Variants in AP3B1 observed in about 807,000 individuals in gnomAD.
AP3B1 encodes AP-3 complex subunit beta-1.
AP3B1 carries 61 observed loss-of-function variants against 132.5 expected under a neutral mutation model. That is an observed-to-expected ratio of 0.46 (90% CI 0.37 to 0.57). The LOEUF is 0.57. Ranked by LOEUF, AP3B1 falls within the 20% of genes least tolerant of loss-of-function variation. AP3B1 has a pLI of 0.00. For missense variants in AP3B1, 1,120 were observed against 1,289.4 expected (o/e 0.87, Z 2.01); for synonymous variants, 388 against 438.3 (o/e 0.89, Z 1.43).
chr5:78,038,953 T>C, intron 23 of AP3B1, 90 bp downstream of exon 23: 1 of 801,528 alleles, frequency 1.2e-6, no homozygotes, highest in Non-Finnish European at 2.0e-6. Flanking sequence ...TACTTTACTA[T>C]TTTACTAAAA....
intron 21 of AP3B1, among the ~76,000 whole-genome samples, chr5:78,096,660 G>GC (rs1750805464): frequency 6.6e-6 from 1 of 151,002 alleles, no homozygotes. Context: ...CTGCCCGGCC[G>GC]CGACTCCGTC....
At chr5:78,238,586 T>C (rs1354773279) in intron 3 of AP3B1, among the ~76,000 whole-genome samples, 1 of 151,990 alleles carries the variant, frequency 6.6e-6, no homozygotes, top group Non-Finnish European at 1.5e-5. Flanking sequence ...TAGATAACTA[T>C]CACACAATGG....
chr5:78,000,780 A>T (rs1746183818), downstream of AP3B1: 2 of 152,338 alleles, frequency 1.3e-5, no homozygotes, highest in Non-Finnish European at 1.5e-5. Flanking sequence ...GGAACAATTT[A>T]AAGATAATCA....
chr5:78,255,685 T>C (rs1747818646), intron 2 of AP3B1, among the ~76,000 whole-genome samples: 1 of 152,076 alleles, frequency 6.6e-6, no homozygotes, highest in Non-Finnish European at 1.5e-5. Flanking sequence ...ATCAGACAGA[T>C]CTTCCAACAG....
chr5:78,212,938 T>C (rs897910899), intron 7 of AP3B1, among the ~76,000 whole-genome samples: 6 of 152,094 alleles, frequency 3.9e-5, no homozygotes, highest in East Asian at 1.9e-4. Flanking sequence ...AGTGCAGTGG[T>C]GCGATCTCGG....
At chr5:78,048,339 A>G (rs750762328) in intron 22 of AP3B1, among the ~76,000 whole-genome samples, 19 of 152,152 alleles carry the variant, frequency 1.2e-4, no homozygotes, top group East Asian at 5.8e-4. Context: ...TTTGCCCCCA[A>G]TGCTTCTTTA....
chr5:78,131,458 T>C lies in AP3B1; in HGVS notation c.1651-2151A>G, dbSNP rs544173892. ...AATGAAGAATAGTACCAATCCTTGC[T>C]TTTATGTTAAAAACTGTCAATATTT... On this transcript the variant is annotated intron_variant, in intron 15 of 26. Transcript: ENST00000255194. Among the ~76,000 whole-genome samples the C allele has an allele frequency of 3.3e-5, 5 of 152,206 alleles. No homozygotes were observed. In the South Asian group the frequency reaches 1.0e-3, roughly 31 times the overall value.
At chr5:78,134,804 A>G (rs1752841951) in intron 15 of AP3B1, among the ~76,000 whole-genome samples, 1 of 152,132 alleles carries the variant, frequency 6.6e-6, no homozygotes, top group East Asian at 1.9e-4. Flanking sequence ...CGGCCTCCCA[A>G]AGTGCTGGGA....
At position 78,227,587 on chromosome 5, in the gene AP3B1, A is replaced by G. The variant is rs574988886; in HGVS notation, c.376-55T>C. The stretch of plus-strand genomic sequence containing the variant: ...ATTTCAACTTTACAATATTTTAAAC[A>G]TATCTTTCAGACACAGTTAATAGGT... On this transcript the variant is annotated intron_variant, in intron 4 of 26. Coordinates refer to ENST00000255194, the MANE Select transcript of AP3B1 (RefSeq NM_003664.5). 122 of 1,570,992 alleles carry G rather than the reference A, an allele frequency of 7.8e-5. No homozygotes were observed. The South Asian group carries it at 1.2e-3, about 16-fold the overall frequency.
chr5:78,003,960 G>A (rs1420504427), intron 26 of AP3B1, among the ~76,000 whole-genome samples: 1 of 152,188 alleles, frequency 6.6e-6, no homozygotes, highest in African/African-American at 2.4e-5. Context: ...TTTTCCACAT[G>A]AAGCATGTTC....
chr5:78,164,835 A>G (rs1718474413), intron 12 of AP3B1, among the ~76,000 whole-genome samples: 1 of 152,148 alleles, frequency 6.6e-6, no homozygotes, highest in African/African-American at 2.4e-5. Context: ...GAAATTTAAT[A>G]TTGGCATATA....
intron 22 of AP3B1, among the ~76,000 whole-genome samples, chr5:78,053,317 T>A (rs1393893103): frequency 1.3e-5 from 2 of 152,170 alleles, no homozygotes; most frequent in Admixed American, 6.5e-5. Flanking sequence ...TACTTTTAAA[T>A]CTTTTTTTTC....
At chr5:78,045,648 TATTCCAGAA>T (rs1372369511) in intron 22 of AP3B1, among the ~76,000 whole-genome samples, 1 of 152,226 alleles carries the variant, frequency 6.6e-6, no homozygotes, top group Non-Finnish European at 1.5e-5. Flanking sequence ...CAGATACCTA[TATTCCAGAA>T]ATACATATGA....
chr5:78,067,916 G>A (rs2112156490), intron 22 of AP3B1, among the ~76,000 whole-genome samples: 1 of 150,542 alleles, frequency 6.6e-6, no homozygotes, highest in South Asian at 2.1e-4. Context: ...CAAGATCAGA[G>A]CAGAATTGAA....
In AP3B1 at chr5:78,266,305, G is replaced by C. The variant is rs758669273; in HGVS notation, c.204+1215C>G. Among the ~76,000 whole-genome samples the C allele has an allele frequency of 2.1e-4, 32 of 152,120 alleles. 1 individual carries two copies. The highest frequency in any genetic ancestry group is 7.4e-5 in the Non-Finnish European group (5 of 68,026). Reference sequence around the variant, plus strand: ...CTGCCCATAAATACTCCTATGTATAGAGCATAACATTAACAAATCAAAAAT... The same window carrying C: ...CTGCCCATAAATACTCCTATGTATACAGCATAACATTAACAAATCAAAAAT... On this transcript the variant is annotated intron_variant, in intron 2 of 26. Coordinates refer to ENST00000255194, the MANE Select transcript of AP3B1 (RefSeq NM_003664.5).
At chr5:78,020,119 ATTTTCT>A (rs2112064480) in intron 25 of AP3B1, among the ~76,000 whole-genome samples, 1 of 152,120 alleles carries the variant, frequency 6.6e-6, no homozygotes, top group East Asian at 1.9e-4. Flanking sequence ...TGCTGAAAAT[ATTTTCT>A]TTTTAAGTAC....
intron 24 of AP3B1, among the ~76,000 whole-genome samples, chr5:78,033,505 A>G (rs186249342): frequency 4.6e-5 from 7 of 152,186 alleles, no homozygotes; most frequent in Non-Finnish European, 1.0e-4. Flanking sequence ...TTATTTTAAA[A>G]TGTCTATTTC....
chr5:78,223,802 G>A lies in AP3B1; in HGVS notation c.603+1740C>T, dbSNP rs564462889. ...CATAAAGAATTGGTACATATACTATGTGGCAGACGCTCAGACATTAAGCCA... is the reference window on the plus strand; with the variant it reads ...CATAAAGAATTGGTACATATACTATATGGCAGACGCTCAGACATTAAGCCA... On this transcript the variant is annotated intron_variant, in intron 6 of 26. Coordinates refer to ENST00000255194, the MANE Select transcript of AP3B1 (RefSeq NM_003664.5). 1.1e-4 allele frequency among the ~76,000 whole-genome samples: 16 copies of A among 152,264 alleles called. No individual in the cohort carries two copies. In the South Asian group the frequency reaches 1.7e-3, roughly 16 times the overall value.
At chr5:78,284,223 G>C (rs1317802072) in intron 1 of AP3B1, among the ~76,000 whole-genome samples, 1 of 152,180 alleles carries the variant, frequency 6.6e-6, no homozygotes, top group Non-Finnish European at 1.5e-5. Context: ...CATTTGGCTA[G>C]TTGCTACTAT....
Sources: gnomAD v4.1 joint callset for allele counts (sites outside exome capture counted in the v4.1 genomes callset) on GRCh38, gnomAD v4.1.1 for gene constraint, MANE v1.5 for transcripts, NCBI Gene and HGNC (gene_info 2026-07-23, HGNC 2026-07-21) for gene names.